Variants in SERGEF observed in about 807,000 individuals in gnomAD.
SERGEF encodes secretion regulating guanine nucleotide exchange factor, also known as secretion-regulating guanine nucleotide exchange factor.
In SERGEF, 51 loss-of-function variants were observed where a neutral mutation model predicts 50.0. The observed-to-expected ratio is 1.02, with a 90% confidence interval of 0.81 to 1.29. The LOEUF is 1.29. Among genes scored for constraint, SERGEF ranks in the 50% most tolerant of loss-of-function variants. The pLI is 0.00. For missense variants in SERGEF, 521 were observed against 557.0 expected, an observed-to-expected ratio of 0.94 and a Z score of 0.65; for synonymous variants, 205 against 212.4, an observed-to-expected ratio of 0.97 and a Z score of 0.30.
chr11:17,973,672 G>A (rs1207701269), intron 8 of SERGEF, among the ~76,000 whole-genome samples: 1 of 152,154 alleles, frequency 6.6e-6, no homozygotes, highest in Non-Finnish European at 1.5e-5. Flanking sequence ...AACTGTCCCA[G>A]GTTCTTCAAG....
chr11:17,929,478 C>T (rs527277751), intron 9 of SERGEF, among the ~76,000 whole-genome samples: 2 of 152,268 alleles, frequency 1.3e-5, no homozygotes, highest in Admixed American at 1.3e-4. Flanking sequence ...ACAAGAGGAG[C>T]TGGAGGAAAA....
chr11:17,853,973 A>G (rs1337484666), intron 10 of SERGEF: 4 of 149,440 alleles, frequency 2.7e-5, no homozygotes, highest in Admixed American at 6.8e-5. Flanking sequence ...GTGAGCCAAG[A>G]TCACACCACT....
chr11:17,906,479 A>AG (rs1051311971), intron 9 of SERGEF, among the ~76,000 whole-genome samples: 2 of 128,260 alleles, frequency 1.6e-5, no homozygotes, highest in African/African-American at 6.0e-5. Flanking sequence ...TCACCTGCAA[A>AG]GGGGGTTGGT....
chr11:17,829,988 A>T (rs1162530396), intron 10 of SERGEF, among the ~76,000 whole-genome samples: 1 of 152,222 alleles, frequency 6.6e-6, no homozygotes, highest in East Asian at 1.9e-4. Context: ...CAAGGACTGT[A>T]AAAAGGGCTT....
chr11:17,945,092 T>G (rs990587182), intron 9 of SERGEF, among the ~76,000 whole-genome samples: 1 of 152,258 alleles, frequency 6.6e-6, no homozygotes, highest in Non-Finnish European at 1.5e-5. Flanking sequence ...TTACTCATAT[T>G]TGATACACAA....
chr11:17,948,060 A>G (rs1300480959), intron 9 of SERGEF, among the ~76,000 whole-genome samples: 3 of 151,690 alleles, frequency 2.0e-5, no homozygotes, highest in African/African-American at 7.3e-5. Context: ...CAGCCTCCCA[A>G]GAGGCTAGGA....
At chr11:17,960,425 A>G (rs1171303788) in intron 8 of SERGEF, among the ~76,000 whole-genome samples, 1 of 152,240 alleles carries the variant, frequency 6.6e-6, no homozygotes, top group African/African-American at 2.4e-5. Context: ...ACCAAGTGCC[A>G]CATTTGTTAT....
intron 3 of SERGEF, among the ~76,000 whole-genome samples, chr11:18,005,645 CT>C (rs1488270206): frequency 6.6e-6 from 1 of 152,122 alleles, no homozygotes; most frequent in Non-Finnish European, 1.5e-5. Context: ...ACAGATGGTC[CT>C]TTAAATCCAG....
At chr11:17,984,465 G>C (rs563657452) in intron 8 of SERGEF, among the ~76,000 whole-genome samples, 20 of 152,210 alleles carry the variant, frequency 1.3e-4, no homozygotes, top group African/African-American at 4.8e-4. Context: ...AAGAAGAATG[G>C]TACTAAACCA....
intron 10 of SERGEF, among the ~76,000 whole-genome samples, chr11:17,799,722 AC>A (rs1324123124): frequency 6.6e-6 from 1 of 152,256 alleles, no homozygotes; most frequent in African/African-American, 2.4e-5. Flanking sequence ...AGATTAGGGT[AC>A]TAGAGTTCAC....
Position 17,958,899 on chromosome 11 carries a change from C to T in SERGEF, c.1011+571G>A, listed in dbSNP as rs114515257. On this transcript the variant is annotated intron_variant, in intron 9 of 10. Coordinates refer to ENST00000265965, the MANE Select transcript of SERGEF (RefSeq NM_012139.4). The stretch of plus-strand genomic sequence containing the variant: ...TTTTGAGACAGAGTCTTGCTCTGCC[C>T]CCACCCCCCTCCAGGCTGGAGTGCA... Among the ~76,000 whole-genome samples, 880 of 152,010 alleles carry T rather than the reference C, an allele frequency of 5.8e-3. 13 individuals are homozygous for T. The highest frequency in any genetic ancestry group is 0.021 in the African/African-American group (855 of 41,446).
At chr11:17,955,132 C>T (rs77777805) in intron 9 of SERGEF, among the ~76,000 whole-genome samples, 1,915 of 152,304 alleles carry the variant, frequency 0.013, 22 homozygotes, top group Middle Eastern at 0.044. Context: ...GTCCCTCGGC[C>T]TGATATCCTT....
intron 9 of SERGEF, among the ~76,000 whole-genome samples, chr11:17,921,283 A>G (rs1852151254): frequency 6.6e-6 from 1 of 152,230 alleles, no homozygotes; most frequent in Admixed American, 6.5e-5. Context: ...AAAGCAGGTC[A>G]TTTATGATGA....
intron 10 of SERGEF, among the ~76,000 whole-genome samples, chr11:17,821,873 T>C (rs1282755334): frequency 6.6e-6 from 1 of 152,152 alleles, no homozygotes. Context: ...ATCCACAACA[T>C]AGGACACAGC....
intron 10 of SERGEF, among the ~76,000 whole-genome samples, chr11:17,802,816 A>G (rs946894775): frequency 2.0e-5 from 3 of 151,950 alleles, no homozygotes; most frequent in African/African-American, 4.8e-5. Flanking sequence ...TGATCACCCA[A>G]TTTCATCCTT....
chr11:17,807,171 T>A (rs1849774623), intron 10 of SERGEF, among the ~76,000 whole-genome samples: 1 of 152,172 alleles, frequency 6.6e-6, no homozygotes, highest in Non-Finnish European at 1.5e-5. Context: ...TCCATCTGAA[T>A]CTGTCACAGT....
chr11:17,869,663 CT>C (rs1851101810), intron 10 of SERGEF, among the ~76,000 whole-genome samples: 1 of 152,246 alleles, frequency 6.6e-6, no homozygotes, highest in East Asian at 1.9e-4. Context: ...ACCTAATCAC[CT>C]CCCAAACACC....
At chr11:17,823,859 AAC>A (rs1850130042) in intron 10 of SERGEF, among the ~76,000 whole-genome samples, 1 of 152,180 alleles carries the variant, frequency 6.6e-6, no homozygotes, top group African/African-American at 2.4e-5. Flanking sequence ...CTTTCCTGGT[AAC>A]AGACTTCAAA....
chr11:17,918,727 T>C (rs1037466383), intron 9 of SERGEF: 24 of 453,164 alleles, frequency 5.3e-5, no homozygotes, highest in Non-Finnish European at 8.8e-5. Context: ...AGTGATCAAT[T>C]AGGACCTGGA....
Sources: gnomAD v4.1 joint callset for allele counts (sites outside exome capture counted in the v4.1 genomes callset) on GRCh38, gnomAD v4.1.1 for gene constraint, MANE v1.5 for transcripts, NCBI Gene and HGNC (gene_info 2026-07-23, HGNC 2026-07-21) for gene names.